Variants in MYO1H observed in about 807,000 individuals in gnomAD.
MYO1H encodes myosin IH.
A neutral mutation model predicts 149.3 loss-of-function variants in MYO1H; 118 were observed. That is an observed-to-expected ratio of 0.79 (90% confidence interval 0.68 to 0.92). The LOEUF (loss-of-function observed/expected upper bound fraction) is 0.92, where lower values mean the gene tolerates loss of function less well. MYO1H is among the 40% of genes least tolerant of loss of function. MYO1H has a pLI of 0.00. For synonymous variants in MYO1H, 447 were observed against 465.2 expected, an observed-to-expected ratio of 0.96 and a Z score of 0.50; for missense variants, 1,212 against 1,280.7, an observed-to-expected ratio of 0.95 and a Z score of 0.82.
chr12:109,406,467 TAAAA>T (rs56744077), intron 8 of MYO1H, among the ~76,000 whole-genome samples: 4,244 of 42,608 alleles, frequency 0.1, 92 homozygotes, highest in African/African-American at 0.15. Context: ...CCCTATCTCT[TAAAA>T]AAAAAAAAAA....
chr12:109,320,770 A>G, the MYO1H span, among the ~76,000 whole-genome samples: 1 of 152,156 alleles, frequency 6.6e-6, no homozygotes, highest in African/African-American at 2.4e-5. Context: ...AACAATATAT[A>G]GGAGAATATT....
exon 28 of MYO1H, chr12:109,443,597 C>T (rs769598457): frequency 6.8e-6 from 11 of 1,613,602 alleles, no homozygotes; most frequent in South Asian, 3.3e-5. Context: ...AAGCAGCTTA[C>T]GTGGTGGAAC....
chr12:109,321,785 C>T, the MYO1H span, among the ~76,000 whole-genome samples: 99 of 152,274 alleles, frequency 6.5e-4, no homozygotes, highest in African/African-American at 2.2e-3. Context: ...GATAATACCA[C>T]CTAATGGCAA....
the MYO1H span, among the ~76,000 whole-genome samples, chr12:109,324,298 C>T: frequency 0.014 from 2,082 of 152,252 alleles, 37 homozygotes; most frequent in East Asian, 0.062. Context: ...TTAATCTAGC[C>T]CCGGAAGCCA....
intron 22 of MYO1H, among the ~76,000 whole-genome samples, 176 bp from the exon 23 acceptor site, chr12:109,438,360 C>T (rs1420497853): frequency 1.3e-5 from 2 of 152,180 alleles, no homozygotes; most frequent in Non-Finnish European, 2.9e-5. Context: ...CAGTTGTTGC[C>T]TGAGTACTCC....
At chr12:109,313,576 C>G in the MYO1H span, among the ~76,000 whole-genome samples, 48 of 152,196 alleles carry the variant, frequency 3.2e-4, no homozygotes, top group Non-Finnish European at 6.8e-4. Flanking sequence ...TAAGAGGATG[C>G]TAAACCCTTG....
chr12:109,346,622 G>A (rs982825951), upstream of MYO1H, among the ~76,000 whole-genome samples: 25 of 151,848 alleles, frequency 1.6e-4, no homozygotes, highest in Non-Finnish European at 2.2e-4. Context: ...TTAGCTGGGC[G>A]TTGTGGCGGG....
chr12:109,427,762 T>C (rs1451259686), intron 19 of MYO1H, among the ~76,000 whole-genome samples, 176 bp downstream of exon 19: 1 of 147,530 alleles, frequency 6.8e-6, no homozygotes, highest in East Asian at 2.0e-4. Context: ...AACCCAACTC[T>C]GGCTGGGTGC....
chr12:109,333,226 A>G, the MYO1H span, among the ~76,000 whole-genome samples: 1 of 152,144 alleles, frequency 6.6e-6, no homozygotes, highest in African/African-American at 2.4e-5. Flanking sequence ...AGGTTGAGGC[A>G]GGAGAATCCC....
the MYO1H span, among the ~76,000 whole-genome samples, chr12:109,312,201 G>GT: frequency 9.0e-3 from 1,200 of 132,674 alleles, 14 homozygotes; most frequent in African/African-American, 0.027. Context: ...AAGAAGTTCA[G>GT]TTTTTTTTTT....
chr12:109,320,853 G>T, the MYO1H span, among the ~76,000 whole-genome samples: 1 of 152,096 alleles, frequency 6.6e-6, no homozygotes, highest in African/African-American at 2.4e-5. Context: ...ACTTTGAGAG[G>T]CCGAGGCGGG....
chr12:109,312,335 C>T, the MYO1H span, among the ~76,000 whole-genome samples: 1 of 152,148 alleles, frequency 6.6e-6, no homozygotes, highest in Non-Finnish European at 1.5e-5. Flanking sequence ...GCCTCAGCCT[C>T]CCGAGTAGCT....
intron 20 of MYO1H, among the ~76,000 whole-genome samples, chr12:109,434,293 A>G (rs1011825913): frequency 6.6e-6 from 1 of 151,748 alleles, no homozygotes; most frequent in Non-Finnish European, 1.5e-5. Context: ...TGCAGGCGTG[A>G]GCCACCGCGC....
chr12:109,389,499 A>G (rs1202198721), intron 2 of MYO1H, among the ~76,000 whole-genome samples: 2 of 152,200 alleles, frequency 1.3e-5, no homozygotes, highest in Non-Finnish European at 2.9e-5. Flanking sequence ...AGAAAGGGGC[A>G]GAGATACCAA....
At chr12:109,355,373 G>A (rs1249546272) in intron 1 of MYO1H, among the ~76,000 whole-genome samples, 1 of 152,170 alleles carries the variant, frequency 6.6e-6, no homozygotes, top group Admixed American at 6.5e-5. Flanking sequence ...ACAGCAAAGT[G>A]CACCTGAATC....
chr12:109,426,348 G>GT (rs1871353323), intron 18 of MYO1H, among the ~76,000 whole-genome samples: 1 of 152,048 alleles, frequency 6.6e-6, no homozygotes, highest in Admixed American at 6.6e-5. Flanking sequence ...GCCAGGCATG[G>GT]TGGCGTGTCT....
Position 109,377,696 on chromosome 12 carries a change from A to G in MYO1H, c.13-10987A>G, listed in dbSNP as rs1410332042. On this transcript the variant is annotated intron_variant, in intron 1 of 31. Transcript: ENST00000310903. ...ATTTTCTCCTATAGCAGTCTTATAT[A>G]TCTTCTATTAGATTTATTCCTAAAG... Among the ~76,000 whole-genome samples the G allele has an allele frequency of 2.0e-5, 3 of 152,222 alleles. No homozygotes were observed. The East Asian group carries it at 5.8e-4, about 29-fold the overall frequency.
At chr12:109,372,721 TTC>T (rs1370099325) in intron 1 of MYO1H, among the ~76,000 whole-genome samples, 2 of 152,052 alleles carry the variant, frequency 1.3e-5, no homozygotes, top group African/African-American at 4.8e-5. Flanking sequence ...ATCTTTTTGT[TTC>T]TTTCAGAAAT....
In MYO1H at chr12:109,443,202, GTA is replaced by G. The variant is rs371506127; in HGVS notation, c.2689-308_2689-307del. Reference sequence around the variant, plus strand: ...TGTGTATATGTGTACGTATATGTGTGTATATGTGTACGTATATGTGTGTGTAT... The same window carrying G: ...TGTGTATATGTGTACGTATATGTGTGTATGTGTACGTATATGTGTGTGTAT... On this transcript the variant is annotated intron_variant, in intron 27 of 31. Coordinates refer to ENST00000310903, the Ensembl canonical transcript of MYO1H. Among the ~76,000 whole-genome samples, 681 of 80,890 alleles carry G rather than the reference GTA, an allele frequency of 8.4e-3. 144 individuals are homozygous for G. The highest frequency in any genetic ancestry group is 0.073 in the East Asian group (278 of 3,822). 53.1% of individuals were successfully genotyped at this position (80,890 alleles called of 152,430 possible).
Sources: gnomAD v4.1 joint callset for allele counts (sites outside exome capture counted in the v4.1 genomes callset) on GRCh38, gnomAD v4.1.1 for gene constraint, MANE v1.5 for transcripts, NCBI Gene and HGNC (gene_info 2026-07-23, HGNC 2026-07-21) for gene names.